The following TENM2 variants were observed in gnomAD, a reference collection of about 807,000 sequenced individuals.
The protein encoded by TENM2 is teneurin transmembrane protein 2.
In TENM2, 52 loss-of-function variants were observed where a neutral mutation model predicts 245.2. The ratio of observed to expected loss-of-function variants is 0.21; its 90% confidence interval spans 0.17 to 0.27. The LOEUF (loss-of-function observed/expected upper bound fraction) is 0.27. Among genes scored for constraint, TENM2 ranks in the 10% least tolerant of loss-of-function variants. TENM2 has a pLI of 1.00. For synonymous variants in TENM2, 1,363 were observed against 1,438.9 expected, an observed-to-expected ratio of 0.95 and a Z score of 1.19; for missense variants, 3,046 against 3,666.8, an observed-to-expected ratio of 0.83 and a Z score of 4.37.
At chr5:167,438,718 G>A (rs1268418696) in intron 2 of TENM2, among the ~76,000 whole-genome samples, 2 of 151,518 alleles carry the variant, frequency 1.3e-5, no homozygotes, top group African/African-American at 4.8e-5. Flanking sequence ...TTTTAATGGT[G>A]TCCGTGCAAA....
chr5:167,850,752 C>G (rs1770501418), intron 2 of TENM2, among the ~76,000 whole-genome samples: 1 of 152,148 alleles, frequency 6.6e-6, no homozygotes. Context: ...TCCAAACCAC[C>G]TGGGCTGTGA....
intron 13 of TENM2, among the ~76,000 whole-genome samples, chr5:168,171,864 G>A (rs569170426): frequency 7.9e-5 from 12 of 152,338 alleles, no homozygotes; most frequent in African/African-American, 2.4e-4. Context: ...TATTGATAGC[G>A]TTATGTTGGC....
the TENM2 span, among the ~76,000 whole-genome samples, chr5:167,143,900 C>T: frequency 1.3e-5 from 2 of 151,978 alleles, no homozygotes; most frequent in Non-Finnish European, 2.9e-5. Flanking sequence ...GGCACTTTTA[C>T]CAACCAATCA....
At chr5:168,127,013 C>T (rs1038857500) in intron 12 of TENM2, 47 bp downstream of exon 14, 15 of 1,480,038 alleles carry the variant, frequency 1.0e-5, no homozygotes, top group Non-Finnish European at 1.3e-5. Context: ...TAGTGATGGT[C>T]GCGCATGGCA....
At chr5:167,665,195 G>A (rs968654975) in intron 2 of TENM2, among the ~76,000 whole-genome samples, 20 of 152,080 alleles carry the variant, frequency 1.3e-4, no homozygotes, top group Non-Finnish European at 2.8e-4. Flanking sequence ...AGTGACTGTA[G>A]GATTATCATA....
the TENM2 span, among the ~76,000 whole-genome samples, chr5:167,013,400 T>G: frequency 6.6e-6 from 1 of 152,164 alleles, no homozygotes; most frequent in Non-Finnish European, 1.5e-5. Flanking sequence ...ATCAGTAGCC[T>G]GGATACATGG....
intron 2 of TENM2, among the ~76,000 whole-genome samples, chr5:167,835,638 C>T (rs1768916572): frequency 6.6e-6 from 1 of 151,956 alleles, no homozygotes; most frequent in Admixed American, 6.6e-5. Context: ...AACTTCATTG[C>T]CTGAGAGTAG....
chr5:168,180,561 T>G (rs905027900), intron 13 of TENM2, among the ~76,000 whole-genome samples: 5 of 152,210 alleles, frequency 3.3e-5, no homozygotes, highest in African/African-American at 1.2e-4. Flanking sequence ...GGTCTCAAGC[T>G]TTAGTGAGCA....
At chr5:167,952,520 A>G (rs1780190085) in intron 3 of TENM2, 68 bp from the exon 6 acceptor site, 1 of 1,312,884 alleles carries the variant, frequency 7.6e-7, no homozygotes, top group African/African-American at 1.5e-5. Context: ...ACTCTCCTCC[A>G]GTGGTTTGCA....
At chr5:167,874,615 C>T (rs1773264398) in intron 2 of TENM2, among the ~76,000 whole-genome samples, 1 of 152,178 alleles carries the variant, frequency 6.6e-6, no homozygotes, top group Non-Finnish European at 1.5e-5. Flanking sequence ...CTTCTCTTGG[C>T]TCATTTTCCT....
chr5:167,758,392 C>A (rs1184303131), intron 2 of TENM2, among the ~76,000 whole-genome samples: 1 of 152,134 alleles, frequency 6.6e-6, no homozygotes, highest in African/African-American at 2.4e-5. Flanking sequence ...CTGATTGGCT[C>A]AATGGGAAGA....
chr5:167,946,167 G>C (rs904240558), intron 3 of TENM2, among the ~76,000 whole-genome samples: 13 of 152,302 alleles, frequency 8.5e-5, no homozygotes, highest in African/African-American at 2.9e-4. Context: ...CCAGTACTTA[G>C]AGACAAATAA....
intron 4 of TENM2, among the ~76,000 whole-genome samples, chr5:167,958,478 A>G (rs771164171): frequency 6.6e-6 from 1 of 152,070 alleles, no homozygotes; most frequent in Non-Finnish European, 1.5e-5. Flanking sequence ...GCCTCTTTAC[A>G]TTTAGGGTTA....
intron 3 of TENM2, among the ~76,000 whole-genome samples, chr5:167,936,976 CCTTTT>C (rs1169379811): frequency 6.6e-6 from 1 of 152,156 alleles, no homozygotes; most frequent in Non-Finnish European, 1.5e-5. Context: ...AATAGTCCAT[CCTTTT>C]CTTTAATTAA....
chr5:167,801,832 T>C (rs1228013788), intron 2 of TENM2, among the ~76,000 whole-genome samples: 1 of 151,944 alleles, frequency 6.6e-6, no homozygotes, highest in Non-Finnish European at 1.5e-5. Context: ...GGTAATTCAG[T>C]TGTAAGACCA....
intron 9 of TENM2, among the ~76,000 whole-genome samples, chr5:168,099,258 C>T: frequency 6.6e-6 from 1 of 152,054 alleles, no homozygotes; most frequent in Non-Finnish European, 1.5e-5. Flanking sequence ...ATTTTCCACC[C>T]ACCAATAGGC....
At chr5:167,311,832 C>T (rs997115884) in intron 1 of TENM2, among the ~76,000 whole-genome samples, 2 of 152,274 alleles carry the variant, frequency 1.3e-5, no homozygotes, top group African/African-American at 4.8e-5. Context: ...CTAAATTTTT[C>T]AGCCACATAT....
chr5:167,268,893 G>GATAGATAGATAC, the TENM2 span, among the ~76,000 whole-genome samples: 4 of 149,760 alleles, frequency 2.7e-5, no homozygotes, highest in African/African-American at 9.8e-5. Flanking sequence ...TAGATAGATA[G>GATAGATAGATAC]ATAGATAGAT....
At chr5:167,244,850 T>G in the TENM2 span, among the ~76,000 whole-genome samples, 3 of 152,120 alleles carry the variant, frequency 2.0e-5, no homozygotes, top group African/African-American at 7.2e-5. Context: ...GAGCTGTGTT[T>G]GTGTGTAGTT....
Sources: allele counts gnomAD v4.1 joint callset (sites outside exome capture counted in the v4.1 genomes callset), GRCh38; gene constraint gnomAD v4.1.1; transcripts MANE v1.5; gene names NCBI Gene and HGNC (gene_info 2026-07-23, HGNC 2026-07-21).